Variants in PRKG2 observed in about 807,000 individuals in gnomAD.
PRKG2 encodes cGMP-dependent protein kinase 2.
PRKG2 carries 33 observed loss-of-function variants against 97.2 expected under a neutral mutation model. The ratio of observed to expected loss-of-function variants is 0.34; its 90% CI spans 0.26 to 0.45. PRKG2 has a LOEUF of 0.45. PRKG2 is among the 20% of genes least tolerant of loss of function. PRKG2 has a pLI of 1.00. For missense variants in PRKG2, 638 were observed against 900.0 expected (o/e 0.71, Z 3.73); for synonymous variants, 330 against 321.8 (o/e 1.03, Z -0.27).
chr4:81,107,581 C>T (rs1236342238), intron 15 of PRKG2, among the ~76,000 whole-genome samples: 2 of 151,952 alleles, frequency 1.3e-5, no homozygotes, highest in Non-Finnish European at 2.9e-5. Flanking sequence ...GGTGCAATCT[C>T]GGCTCACTGC....
chr4:81,189,922 A>C (rs1192952623), intron 2 of PRKG2, among the ~76,000 whole-genome samples: 2 of 152,198 alleles, frequency 1.3e-5, no homozygotes, highest in Non-Finnish European at 2.9e-5. Flanking sequence ...GCAAGGAAAT[A>C]AGAGAGAACA....
chr4:81,195,324 G>T (rs753801799), intron 2 of PRKG2, among the ~76,000 whole-genome samples: 1 of 152,110 alleles, frequency 6.6e-6, no homozygotes, highest in African/African-American at 2.4e-5. Flanking sequence ...AACCTGAAAC[G>T]TGGCCTGGCA....
chr4:81,114,446 C>G (rs61151552), intron 14 of PRKG2, among the ~76,000 whole-genome samples: 21,004 of 151,902 alleles, frequency 0.14, 2,831 homozygotes, highest in East Asian at 0.4. Flanking sequence ...CAAAGGGAAT[C>G]TTCTTATATA....
intron 13 of PRKG2, among the ~76,000 whole-genome samples, chr4:81,135,659 C>T (rs1325240914): frequency 6.6e-6 from 1 of 152,144 alleles, no homozygotes; most frequent in African/African-American, 2.4e-5. Context: ...CAGACTTTTG[C>T]AACTTATTGC....
Position 81,112,047 on chromosome 4 carries a change from C to T in PRKG2, c.1777-1436G>A, listed in dbSNP as rs915042029. Among the ~76,000 whole-genome samples, 4 of 152,164 alleles carry T rather than the reference C, an allele frequency of 2.6e-5. 1 individual carries two copies. In the South Asian group the frequency reaches 8.3e-4, roughly 32 times the overall value. The stretch of plus-strand genomic sequence containing the variant: ...GTATGAGTCATTGAACTATAAAATC[C>T]AGCCCCTATTTATTTATTCAAATAT... On this transcript the variant is annotated intron_variant, in intron 14 of 18. Transcript: ENST00000264399.
At chr4:81,177,632 G>A (rs184996737) in intron 2 of PRKG2, among the ~76,000 whole-genome samples, 19 of 152,168 alleles carry the variant, frequency 1.2e-4, no homozygotes, top group South Asian at 1.2e-3. Context: ...CCCAGAAGGC[G>A]GAAGTTGTAG....
intron 6 of PRKG2, among the ~76,000 whole-genome samples, chr4:81,159,526 T>C (rs1749422858): frequency 6.6e-6 from 1 of 152,058 alleles, no homozygotes; most frequent in South Asian, 2.1e-4. Flanking sequence ...GTAAACTAGT[T>C]CAACCATTGT....
intron 6 of PRKG2, among the ~76,000 whole-genome samples, chr4:81,154,842 A>G (rs1748858199): frequency 6.6e-6 from 1 of 152,066 alleles, no homozygotes; most frequent in African/African-American, 2.4e-5. Flanking sequence ...GGACATTTAA[A>G]CCAAAGGCAA....
chr4:81,215,444 G>A (rs780384016), upstream of PRKG2, among the ~76,000 whole-genome samples: 10 of 152,188 alleles, frequency 6.6e-5, no homozygotes, highest in Admixed American at 2.0e-4. Flanking sequence ...CGATAACATC[G>A]TGGTTGTAAG....
intron 9 of PRKG2, among the ~76,000 whole-genome samples, chr4:81,148,350 T>C (rs1325967846): frequency 6.6e-6 from 1 of 152,160 alleles, no homozygotes; most frequent in Non-Finnish European, 1.5e-5. Context: ...AAATGAGTGA[T>C]GCATATAAAA....
intron 14 of PRKG2, among the ~76,000 whole-genome samples, chr4:81,128,616 A>G (rs986562597): frequency 6.6e-6 from 1 of 152,190 alleles, no homozygotes; most frequent in Non-Finnish European, 1.5e-5. Flanking sequence ...TTATTTGCGT[A>G]GAAGTGTTTA....
intron 8 of PRKG2, 91 bp downstream of exon 8, chr4:81,151,869 T>C (rs1748433748): frequency 1.0e-6 from 1 of 990,016 alleles, no homozygotes; most frequent in Non-Finnish European, 1.5e-6. Context: ...GCCATTAACT[T>C]GGTAGCTCAA....
chr4:81,164,373 A>G (rs1376205988), intron 6 of PRKG2, among the ~76,000 whole-genome samples: 1 of 151,988 alleles, frequency 6.6e-6, no homozygotes, highest in African/African-American at 2.4e-5. Flanking sequence ...CTTTAGCTCA[A>G]TGGTTCATAA....
rs17005080 is a variant in PRKG2, at chr4:81,171,716, A to G, written c.717T>C (p.Asn239=). The G allele has an allele frequency of 0.12, 194,580 of 1,607,796 alleles. 13,320 individuals are homozygous for G. Among genetic ancestry groups the G allele is most frequent in the Middle Eastern group, 0.23 (1,403 of 6,018 alleles). ...TTFGELAILY[N]CTRTASVKAI... Reference sequence around the variant, plus strand: ...CTTTCACAGAGGCAGTCCTTGTACAATTGTATAAAATGGCAAGCTCCCCAA... The same window carrying G: ...CTTTCACAGAGGCAGTCCTTGTACAGTTGTATAAAATGGCAAGCTCCCCAA... Residue 239 remains asparagine (N), a synonymous_variant, in exon 4 of 19, where the codon AAT becomes AAC. Transcript: ENST00000264399.
chr4:81,206,405 A>C (rs763501550), intron 1 of PRKG2, among the ~76,000 whole-genome samples: 1 of 152,168 alleles, frequency 6.6e-6, no homozygotes, highest in Non-Finnish European at 1.5e-5. Context: ...AATAGGTCTC[A>C]TGAGATCTGA....
chr4:81,097,815 C>G (rs1742281298), intron 17 of PRKG2, among the ~76,000 whole-genome samples: 1 of 152,152 alleles, frequency 6.6e-6, no homozygotes, highest in South Asian at 2.1e-4. Flanking sequence ...GCTACCTCAC[C>G]TCTCTCAGCC....
chr4:81,148,798 G>A (rs1748105105), intron 9 of PRKG2, 86 bp downstream of exon 9: 5 of 1,154,134 alleles, frequency 4.3e-6, no homozygotes, highest in Admixed American at 1.8e-5. Flanking sequence ...GGTGATGAAT[G>A]AGAAAACAGA....
intron 1 of PRKG2, among the ~76,000 whole-genome samples, chr4:81,205,493 C>A (rs781095108): frequency 6.6e-6 from 1 of 152,186 alleles, no homozygotes; most frequent in African/African-American, 2.4e-5. Flanking sequence ...GCTCCCCATG[C>A]GGCAACAGTA....
At chr4:81,212,101 T>A (rs969675462) in intron 1 of PRKG2, among the ~76,000 whole-genome samples, 6 of 152,090 alleles carry the variant, frequency 3.9e-5, no homozygotes, top group Admixed American at 3.9e-4. Context: ...ATGCCACAAT[T>A]AAAAGCATCT....
Sources: allele counts gnomAD v4.1 joint callset (sites outside exome capture counted in the v4.1 genomes callset), GRCh38; gene constraint gnomAD v4.1.1; transcripts MANE v1.5; gene names NCBI Gene and HGNC (gene_info 2026-07-23, HGNC 2026-07-21).